The following MCC variants were observed in gnomAD, a reference collection of about 807,000 sequenced individuals.
MCC encodes the protein colorectal mutant cancer protein.
In MCC, 90 loss-of-function variants were observed where a neutral mutation model predicts 116.2. The observed-to-expected ratio is 0.77, with a 90% CI of 0.65 to 0.92. MCC has a LOEUF of 0.92. Ranked by LOEUF, MCC falls within the 40% of genes least tolerant of loss-of-function variation. The probability of loss-of-function intolerance (pLI) is 0.00; values close to 1 mark genes in which losing one functional copy is unlikely to be tolerated. For missense variants in MCC, 1,516 were observed against 1,312.2 expected (o/e 1.16, Z -2.40); for synonymous variants, 578 against 510.5 (o/e 1.13, Z -1.78).
At chr5:113,391,503 C>T (rs1426019899) in intron 1 of MCC, among the ~76,000 whole-genome samples, 1 of 151,998 alleles carries the variant, frequency 6.6e-6, no homozygotes, top group African/African-American at 2.4e-5. Context: ...TCACTTGAAG[C>T]CAGGAGTTCG....
intron 5 of MCC, among the ~76,000 whole-genome samples, chr5:113,126,586 A>C (rs1758065388): frequency 6.6e-6 from 1 of 152,014 alleles, no homozygotes; most frequent in South Asian, 2.1e-4. Context: ...TAGAAATACA[A>C]AAACAAACTT....
At chr5:113,209,906 T>C (rs555903501) in intron 3 of MCC, among the ~76,000 whole-genome samples, 48 of 152,322 alleles carry the variant, frequency 3.2e-4, no homozygotes, top group Non-Finnish European at 6.0e-4. Context: ...CTTAAATTTA[T>C]AAATGATGTG....
chr5:113,289,756 T>C (rs1188222916), intron 3 of MCC, among the ~76,000 whole-genome samples: 1 of 152,184 alleles, frequency 6.6e-6, no homozygotes, highest in African/African-American at 2.4e-5. Flanking sequence ...CTGACACAAG[T>C]CTTCCCCCTG....
intron 1 of MCC, among the ~76,000 whole-genome samples, chr5:113,427,733 T>C (rs191823079): frequency 1.3e-5 from 2 of 152,348 alleles, no homozygotes; most frequent in Admixed American, 6.5e-5. Flanking sequence ...TTTTGCATTA[T>C]TAAATTTAAG....
At chr5:113,037,798 A>G (rs1350666716) in intron 17 of MCC, among the ~76,000 whole-genome samples, 1 of 152,200 alleles carries the variant, frequency 6.6e-6, no homozygotes, top group Non-Finnish European at 1.5e-5. Flanking sequence ...AGGATGAGGG[A>G]GAATCAGGGA....
At chr5:113,256,730 A>C (rs1765020192) in intron 3 of MCC, among the ~76,000 whole-genome samples, 1 of 152,228 alleles carries the variant, frequency 6.6e-6, no homozygotes. Flanking sequence ...TGGCCGCTGC[A>C]GACACTGCTA....
chr5:113,328,747 C>T (rs1216668428), intron 3 of MCC, among the ~76,000 whole-genome samples: 1 of 152,144 alleles, frequency 6.6e-6, no homozygotes. Context: ...CATACAAAAT[C>T]AGAGAAGTGA....
intron 13 of MCC, among the ~76,000 whole-genome samples, chr5:113,066,232 T>C (rs1410355070): frequency 1.3e-5 from 2 of 152,172 alleles, no homozygotes; most frequent in African/African-American, 4.8e-5. Flanking sequence ...GAAAGGTACC[T>C]TGTGAGGCCT....
intron 2 of MCC, among the ~76,000 whole-genome samples, chr5:113,372,969 G>A (rs1027592991): frequency 6.6e-6 from 1 of 152,134 alleles, no homozygotes; most frequent in African/African-American, 2.4e-5. Context: ...ACGTGGTCAG[G>A]AGATCGAGAC....
chr5:113,250,729 C>T (rs1321560812), intron 3 of MCC, among the ~76,000 whole-genome samples: 4 of 152,144 alleles, frequency 2.6e-5, no homozygotes, highest in South Asian at 2.1e-4. Flanking sequence ...AAGACAAAGA[C>T]GGCCAATGCT....
chr5:113,482,556 T>G (rs1231977615), intron 1 of MCC, among the ~76,000 whole-genome samples: 1 of 152,216 alleles, frequency 6.6e-6, no homozygotes, highest in Non-Finnish European at 1.5e-5. Flanking sequence ...GTGTATGTCT[T>G]CCTTGGAGAA....
At chr5:113,173,470 T>C (rs1490806849) in intron 3 of MCC, among the ~76,000 whole-genome samples, 1 of 152,204 alleles carries the variant, frequency 6.6e-6, no homozygotes, top group Non-Finnish European at 1.5e-5. Context: ...TTAAAAATAA[T>C]ATTTTAGCTA....
chr5:113,287,684 C>A (rs1475035627), intron 3 of MCC, among the ~76,000 whole-genome samples: 2 of 152,150 alleles, frequency 1.3e-5, no homozygotes, highest in African/African-American at 2.4e-5. Flanking sequence ...TGCAGCCCCA[C>A]CTGGGAGAAA....
intron 17 of MCC, among the ~76,000 whole-genome samples, chr5:113,042,124 A>G (rs547644145): frequency 6.6e-6 from 1 of 152,302 alleles, no homozygotes; most frequent in South Asian, 2.1e-4. Flanking sequence ...AAACTCAACT[A>G]TGAAAAGAAT....
chr5:113,381,285 T>C (rs903943937), intron 2 of MCC, among the ~76,000 whole-genome samples: 1 of 152,186 alleles, frequency 6.6e-6, no homozygotes, highest in Non-Finnish European at 1.5e-5. Context: ...TGCAGATATT[T>C]CCTAGGTAAA....
At chr5:113,175,135 G>A (rs1401151431) in intron 3 of MCC, among the ~76,000 whole-genome samples, 1 of 152,164 alleles carries the variant, frequency 6.6e-6, no homozygotes, top group Non-Finnish European at 1.5e-5. Context: ...GTGGCCATGT[G>A]TAGCTTTTGT....
chr5:113,435,082 T>TG, intron 1 of MCC: 1 of 493,510 alleles, frequency 2.0e-6, no homozygotes, highest in South Asian at 4.4e-5. Context: ...CTGAGGCACT[T>TG]GGACTTGGAA....
intron 3 of MCC, among the ~76,000 whole-genome samples, chr5:113,174,741 G>A (rs1581202569): frequency 6.6e-6 from 1 of 151,972 alleles, no homozygotes; most frequent in African/African-American, 2.4e-5. Flanking sequence ...AAGCATCTGG[G>A]ACTACAGGTG....
rs1307522425 is a variant in MCC, at chr5:113,095,924, C to T, written c.1398+5815G>A. Among the ~76,000 whole-genome samples, 6 of 152,284 alleles carry T rather than the reference C, an allele frequency of 3.9e-5. 1 individual carries two copies. The South Asian group carries it at 1.0e-3, about 26-fold the overall frequency. ...CTACTGAGCTTGCACTGGTAAGTGG[C>T]TCCCTGTGGAAGTGATTTCCTTCAT... On this transcript the variant is annotated intron_variant, in intron 8 of 18. Coordinates refer to ENST00000408903, the MANE Select transcript of MCC (RefSeq NM_001085377.2).
Sources: gnomAD v4.1 joint callset for allele counts (sites outside exome capture counted in the v4.1 genomes callset) on GRCh38, gnomAD v4.1.1 for gene constraint, MANE v1.5 for transcripts, NCBI Gene and HGNC (gene_info 2026-07-23, HGNC 2026-07-21) for gene names.